Variants in XKR7 observed in about 807,000 individuals in gnomAD.
XKR7 encodes XK-related protein 7.
XKR7 carries 11 observed loss-of-function variants against 42.2 expected under a neutral mutation model. That is an observed-to-expected ratio of 0.26 (90% CI 0.16 to 0.43). The LOEUF (loss-of-function observed/expected upper bound fraction) is 0.43. XKR7 is among the 20% of genes least tolerant of loss of function. The pLI, the probability that XKR7 is intolerant of heterozygous loss-of-function variation, is 1.00. For missense variants in XKR7, 710 were observed against 802.2 expected, an observed-to-expected ratio of 0.89 and a Z score of 1.39; for synonymous variants, 346 against 366.4, an observed-to-expected ratio of 0.94 and a Z score of 0.64.
chr20:31,986,671 C>T (rs2064542437), intron 1 of XKR7, among the ~76,000 whole-genome samples: 1 of 147,394 alleles, frequency 6.8e-6, no homozygotes, highest in Non-Finnish European at 1.5e-5. Context: ...GCATCCAAGA[C>T]ACAGACAGAC....
intron 1 of XKR7, among the ~76,000 whole-genome samples, chr20:31,972,559 C>T (rs556548159): frequency 6.6e-6 from 1 of 152,322 alleles, no homozygotes; most frequent in African/African-American, 2.4e-5. Flanking sequence ...CTAACCCTGT[C>T]CCCTCTGACC....
At position 31,997,192 on chromosome 20, in the gene XKR7, G is replaced by A. The variant is rs748725549; in HGVS notation, c.1475G>A (p.Arg492His). The stretch of plus-strand genomic sequence containing the variant: ...CGGGATGGGGCCTCGGCGGGAGAGC[G>A]TGCAGGGACCCCCACCCCACCTGTC... ...AERDGASAGERAGTPTPPVFQ... is the reference protein window; with the variant it reads ...AERDGASAGEHAGTPTPPVFQ... Residue 492 changes from arginine to histidine, a missense_variant, in exon 3 of 3, where the codon CGT (arginine) becomes CAT (histidine). Physicochemically the swap from Arg to His is conservative, Grantham distance 29 (BLOSUM62 0). Coordinates refer to ENST00000562532, the MANE Select transcript of XKR7 (RefSeq NM_001011718.2). 55 of 1,609,814 alleles carry A rather than the reference G, an allele frequency of 3.4e-5. No homozygotes were observed. The highest frequency in any genetic ancestry group is 3.0e-4 in the South Asian group (27 of 91,066).
chr20:31,982,476 C>T (rs1015012978), intron 1 of XKR7, among the ~76,000 whole-genome samples: 4 of 147,080 alleles, frequency 2.7e-5, no homozygotes, highest in Admixed American at 6.9e-5. Context: ...GAGCTGAGAT[C>T]GAGCCACTAC....
Position 31,995,268 on chromosome 20 carries a change from C to T in XKR7, c.785C>T (p.Pro262Leu), listed in dbSNP as rs1407116797. 3.9e-6 allele frequency: 6 copies of T among 1,535,188 alleles called. No homozygotes were observed. The highest frequency in any genetic ancestry group is 5.2e-6 in the Non-Finnish European group (6 of 1,146,082). ...VHRGGAPDLL[P>L]ALSTSASLVS... The stretch of plus-strand genomic sequence containing the variant: ...CGCGGTGGCGCGCCCGACCTGCTGC[C>T]GGGTGAGCCCGCCCCTTCACCCTCT... The change falls in exon 2 of 3, where the codon CCG becomes CTG. Residue 262 changes from proline (P) to leucine (L), a missense_variant and splice_region_variant. Physicochemically the swap from Pro to Leu is moderately conservative, Grantham distance 98. This residue lies in a region of XKR7 where 708 missense variants were observed against 786.2 expected (regional missense o/e 0.90). Coordinates refer to ENST00000562532, the MANE Select transcript of XKR7 (RefSeq NM_001011718.2). This position sits in a 1 kb window ranked among gnomAD's most constrained non-coding sequence, Gnocchi z 4.1.
chr20:31,972,997 T>C (rs1451367457), intron 1 of XKR7, among the ~76,000 whole-genome samples: 1 of 152,236 alleles, frequency 6.6e-6, no homozygotes, highest in African/African-American at 2.4e-5. Context: ...TTACTACTTC[T>C]TATATGTGAC....
In XKR7 at chr20:31,996,744, G is replaced by A; in HGVS notation, c.1027G>A (p.Val343Ile). 1.2e-6 allele frequency: 2 copies of A among 1,614,076 alleles called. No homozygotes were observed. Among genetic ancestry groups the A allele is most frequent in the Non-Finnish European group, 1.7e-6 (2 of 1,179,996 alleles). Residue 343 changes from valine (V) to isoleucine (I), a missense_variant, in exon 3 of 3, where the codon GTC becomes ATC. Transcript: ENST00000562532. ...CCACTGGTGCGTCATGACCTTCTGG[G>A]TCATCCAAGGGGAGACGGACTTCTG... ...VAHWCVMTFW[V>I]IQGETDFCMS...
In XKR7 at chr20:32,001,666, G is replaced by A. The variant is rs562828131; in HGVS notation, c.*4209G>A. 1.3e-5 allele frequency: 2 copies of A among 152,220 alleles called. No individual in the cohort carries two copies. The highest frequency in any genetic ancestry group is 2.9e-5 in the Non-Finnish European group (2 of 68,072). The allele number at this position is 152,220 out of a possible 1,614,324, so 9.4% of individuals were successfully genotyped here. On this transcript the variant is annotated 3_prime_UTR_variant, in exon 3 of 3. Coordinates refer to ENST00000562532, the MANE Select transcript of XKR7 (RefSeq NM_001011718.2). Reference sequence around the variant, plus strand: ...CCTCCAGTGCCTCATGGGGTTAGAGGCTGCTGGAGTCTTCTCCAGCTTGGG... The same window carrying A: ...CCTCCAGTGCCTCATGGGGTTAGAGACTGCTGGAGTCTTCTCCAGCTTGGG...
chr20:31,973,596 A>C lies in XKR7; in HGVS notation c.584+4837A>C, dbSNP rs527411860. On this transcript the variant is annotated intron_variant, in intron 1 of 2. Coordinates refer to ENST00000562532, the MANE Select transcript of XKR7 (RefSeq NM_001011718.2). ...GGGTGGACCTCTCCAAGGAGGTGGC[A>C]TGTGGGCAAAGGGCTGCACGAGGTG... is the stretch of plus-strand genomic sequence containing the variant. 1.2e-4 allele frequency among the ~76,000 whole-genome samples: 19 copies of C among 152,194 alleles called. No homozygotes were observed. In the South Asian group the frequency reaches 2.5e-3, roughly 20 times the overall value.
rs943271482 is a variant in XKR7 at position 31,998,312 on chromosome 20, C to A, written c.*855C>A. On this transcript the variant is annotated 3_prime_UTR_variant, in exon 3 of 3. Coordinates refer to ENST00000562532, the MANE Select transcript of XKR7 (RefSeq NM_001011718.2). ...GTGGCTTCTAGATACAGGTCTTCAA[C>A]ACAGCAGATAAGATGTCTGGAAAGA... 8.5e-5 allele frequency: 13 copies of A among 152,100 alleles called. No homozygotes were observed. Among genetic ancestry groups the A allele is most frequent in the African/African-American group, 2.4e-4 (10 of 41,388 alleles). The allele number at this position is 152,100 out of a possible 1,614,324, so 9.4% of individuals were successfully genotyped here.
intron 1 of XKR7, among the ~76,000 whole-genome samples, chr20:31,991,471 C>T (rs1016115573): frequency 1.3e-5 from 2 of 152,084 alleles, no homozygotes; most frequent in African/African-American, 4.8e-5. Flanking sequence ...CTTAGCTCAG[C>T]CCTGTAATTT....
chr20:31,996,429 C>T, intron 2 of XKR7, 76 bp from the exon 3 acceptor site: 1 of 1,105,766 alleles, frequency 9.0e-7, no homozygotes, highest in Non-Finnish European at 1.2e-6. Flanking sequence ...TGACCCAGAA[C>T]CCTCCGCCTC....
At position 31,995,164 on chromosome 20, in the gene XKR7, CGT is replaced by C; in HGVS notation, c.683_684del (p.Val228GlufsTer229). The C allele has an allele frequency of 1.3e-6, 2 of 1,552,990 alleles. No individual in the cohort carries two copies. The highest frequency in any genetic ancestry group is 1.7e-6 in the Non-Finnish European group (2 of 1,148,474). On this transcript the variant is annotated frameshift_variant, in exon 2 of 3. Coordinates refer to ENST00000562532, the MANE Select transcript of XKR7 (RefSeq NM_001011718.2). LOFTEE classifies it high-confidence loss of function. This position sits in a 1 kb window ranked among gnomAD's most constrained non-coding sequence, Gnocchi z 4.1. Reference protein sequence around the residue: ...YWQMLFESADVSMLRLLETFL... With the variant: ...YWQMLFESADXSMLRLLETFL... ...GGCAGATGCTGTTCGAGAGCGCCGA[CGT>C]GAGCATGCTGCGCTTGCTGGAGACC...
intron 1 of XKR7, among the ~76,000 whole-genome samples, chr20:31,974,539 G>A (rs1039494418): frequency 8.5e-5 from 13 of 152,254 alleles, no homozygotes; most frequent in African/African-American, 2.2e-4. Flanking sequence ...AGCACCTATC[G>A]CATGGTGCTT....
chr20:31,980,155 G>A (rs1021740190), intron 1 of XKR7, among the ~76,000 whole-genome samples: 1 of 150,804 alleles, frequency 6.6e-6, no homozygotes, highest in African/African-American at 2.4e-5. Flanking sequence ...AAAAAAAGAG[G>A]TGCTGTGACT....
Position 31,968,739 on chromosome 20 carries a change from G to A in XKR7, c.564G>A (p.Leu188=), listed in dbSNP as rs1234411112. 1 of 1,539,830 alleles carries A rather than the reference G, an allele frequency of 6.5e-7. No individual in the cohort carries two copies. Among genetic ancestry groups the A allele is most frequent in the Non-Finnish European group, 8.7e-7 (1 of 1,150,908 alleles). The change falls in exon 1 of 3, where the codon CTG becomes CTA. Residue 188 remains leucine, a synonymous_variant. Transcript: ENST00000562532. This position sits in a 1 kb window ranked among gnomAD's most constrained non-coding sequence, Gnocchi z 4.5. ...TGCTGCAGACCCTCGTCCACCTCCT[G>A]CAGCTCGGCCAGGTCTGGAGGTAGG... The part of the protein sequence containing the change: ...IWLLQTLVHL[L]QLGQVWRYLR...
intron 1 of XKR7, among the ~76,000 whole-genome samples, chr20:31,978,192 G>A (rs1017616555): frequency 6.6e-6 from 1 of 151,798 alleles, no homozygotes; most frequent in Non-Finnish European, 1.5e-5. Flanking sequence ...TCTAGCCTCC[G>A]CCTCCCAGAC....
chr20:31,994,964 G>T, intron 1 of XKR7, 104 bp from the exon 2 acceptor site: 1 of 1,498,934 alleles, frequency 6.7e-7, no homozygotes, highest in Non-Finnish European at 8.8e-7. Context: ...CAGGCTCAGC[G>T]TAGGGAGTGA....
Position 32,002,254 on chromosome 20 carries a change from C to A in XKR7, c.*4797C>A, listed in dbSNP as rs998324402. 1 of 152,174 alleles carries A rather than the reference C, an allele frequency of 6.6e-6. No homozygotes were observed. The highest frequency in any genetic ancestry group is 1.5e-5 in the Non-Finnish European group (1 of 68,068). 9.4% of individuals were successfully genotyped at this position (152,174 alleles called of 1,614,324 possible). A position where few individuals can be genotyped will look rare whatever the true frequency, so the allele number is the denominator to read the frequency against. On this transcript the variant is annotated 3_prime_UTR_variant, in exon 3 of 3. Coordinates refer to ENST00000562532, the MANE Select transcript of XKR7 (RefSeq NM_001011718.2). ...CTCTGGAGGAGAAGGCTGCCCTCTC[C>A]TCAGCAACCCTGGCCTTTATTCTAT...
At chr20:31,978,740 T>C (rs1284056750) in intron 1 of XKR7, among the ~76,000 whole-genome samples, 2 of 152,260 alleles carry the variant, frequency 1.3e-5, no homozygotes, top group East Asian at 3.8e-4. Context: ...ATTGAACATG[T>C]AGGTGTTAGA....
Sources: gnomAD v4.1 joint callset for allele counts (sites outside exome capture counted in the v4.1 genomes callset) on GRCh38, gnomAD v4.1.1 for gene constraint, gnomAD v4.1.1 regional missense constraint, Gnocchi (gnomAD v3.1) non-coding constraint, MANE v1.5 for transcripts, NCBI Gene and HGNC (gene_info 2026-07-23, HGNC 2026-07-21) for gene names.